Variants in ZNG1A observed in about 807,000 individuals in gnomAD.
The protein encoded by ZNG1A is Zn regulated GTPase metalloprotein activator 1A, also known as zinc-regulated GTPase metalloprotein activator 1A.
chr9:145,701 T>C, the ZNG1A span, among the ~76,000 whole-genome samples: 1 of 150,246 alleles, frequency 6.7e-6, no homozygotes, highest in Non-Finnish European at 1.5e-5. Flanking sequence ...AGTATAATAA[T>C]AAATAAATAA....
the ZNG1A span, chr9:160,046 G>T: frequency 2.2e-6 from 1 of 454,394 alleles, no homozygotes; most frequent in Non-Finnish European, 4.4e-6. Context: ...ATTAAATGCT[G>T]TCACATTTGT....
the ZNG1A span, chr9:123,718 T>TG: frequency 1.7e-6 from 1 of 584,210 alleles, no homozygotes; most frequent in South Asian, 2.2e-5. Flanking sequence ...AAAACCCTGA[T>TG]GAAGGGGTCC....
At chr9:167,039 T>C in the ZNG1A span, 7 of 151,940 alleles carry the variant, frequency 4.6e-5, no homozygotes, top group Non-Finnish European at 1.0e-4. Context: ...CACTTAGATA[T>C]ACCTTGTTTA....
chr9:174,467 T>G, the ZNG1A span, among the ~76,000 whole-genome samples: 1 of 151,918 alleles, frequency 6.6e-6, no homozygotes, highest in African/African-American at 2.4e-5. Context: ...AGAAAAGTAT[T>G]GAGAATGCTG....
chr9:177,687 C>G, the ZNG1A span: 1 of 1,315,468 alleles, frequency 7.6e-7, no homozygotes, highest in Non-Finnish European at 1.0e-6. Context: ...CACTCCTGAG[C>G]TTCAGATCAT....
chr9:145,526 C>T, the ZNG1A span, among the ~76,000 whole-genome samples: 8 of 122,240 alleles, frequency 6.5e-5, no homozygotes, highest in Non-Finnish European at 6.3e-5. Flanking sequence ...GGAAGGGGAA[C>T]ATCACATTCT....
the ZNG1A span, among the ~76,000 whole-genome samples, chr9:131,840 T>A: frequency 6.7e-6 from 1 of 149,248 alleles, no homozygotes; most frequent in African/African-American, 2.6e-5. Flanking sequence ...ATAACACTCC[T>A]AGACAGCACT....
At chr9:171,661 T>C in the ZNG1A span, 5,295 of 221,610 alleles carry the variant, frequency 0.024, 96 homozygotes, top group South Asian at 0.043. Flanking sequence ...GCATAGCTTA[T>C]AGGCAAATAC....
chr9:174,015 C>T, the ZNG1A span, among the ~76,000 whole-genome samples: 29 of 151,894 alleles, frequency 1.9e-4, no homozygotes, highest in Admixed American at 4.6e-4. Context: ...GGTGTGGTAG[C>T]GGGTGCCTGT....
chr9:139,907 C>T, the ZNG1A span, among the ~76,000 whole-genome samples: 49 of 150,294 alleles, frequency 3.3e-4, 2 homozygotes, highest in African/African-American at 1.1e-3. Flanking sequence ...TGACAGACGG[C>T]ACCTGGAAGA....
the ZNG1A span, among the ~76,000 whole-genome samples, chr9:176,004 A>C: frequency 6.7e-6 from 1 of 150,224 alleles, no homozygotes; most frequent in African/African-American, 2.5e-5. Context: ...AAACACTCCT[A>C]CAAGTTGAAA....
the ZNG1A span, among the ~76,000 whole-genome samples, chr9:124,963 G>C: frequency 1.3e-5 from 2 of 152,092 alleles, no homozygotes; most frequent in African/African-American, 4.8e-5. Flanking sequence ...TTGATTGATG[G>C]GCCTTTGGGT....
At chr9:163,376 G>C in the ZNG1A span, among the ~76,000 whole-genome samples, 1 of 151,298 alleles carries the variant, frequency 6.6e-6, no homozygotes, top group Non-Finnish European at 1.5e-5. Context: ...TTATATTAAG[G>C]GCATAAATCA....
At chr9:178,974 G>C in the ZNG1A span, 418 of 1,097,170 alleles carry the variant, frequency 3.8e-4, 138 homozygotes, top group Non-Finnish European at 4.6e-4. Flanking sequence ...TAACATTCCG[G>C]CCTACAGCAC....
the ZNG1A span, among the ~76,000 whole-genome samples, chr9:140,421 C>T: frequency 2.7e-3 from 401 of 151,066 alleles, 8 homozygotes; most frequent in African/African-American, 9.2e-3. Context: ...CTCACACGGC[C>T]GGGTACTCCA....
the ZNG1A span, among the ~76,000 whole-genome samples, chr9:165,585 G>A: frequency 1.5e-5 from 2 of 130,488 alleles, no homozygotes; most frequent in African/African-American, 6.8e-5. Flanking sequence ...GTCTGAAGAT[G>A]TTTTTGGTTG....
chr9:145,998 G>A, the ZNG1A span: 89 of 1,088,910 alleles, frequency 8.2e-5, 2 homozygotes, highest in Non-Finnish European at 1.1e-4. Flanking sequence ...CCAAAGGAAT[G>A]GCAGGAAGCT....
At chr9:159,371 T>C in the ZNG1A span, among the ~76,000 whole-genome samples, 1 of 150,264 alleles carries the variant, frequency 6.7e-6, no homozygotes, top group Non-Finnish European at 1.5e-5. Flanking sequence ...AATTACAGCA[T>C]GATGACTGTA....
chr9:161,647 T>C, the ZNG1A span: 1 of 1,281,994 alleles, frequency 7.8e-7, no homozygotes, highest in Non-Finnish European at 1.0e-6. Flanking sequence ...CCTTTAGTGG[T>C]ATTTCACTTG....
Sources: gnomAD v4.1 joint callset for allele counts (sites outside exome capture counted in the v4.1 genomes callset) on GRCh38, gnomAD v4.1.1 for gene constraint, MANE v1.5 for transcripts, NCBI Gene and HGNC (gene_info 2026-07-23, HGNC 2026-07-21) for gene names.